The following MANBAL variants were observed in gnomAD, a reference collection of about 807,000 sequenced individuals.
The protein encoded by MANBAL is mannosidase beta like, also known as protein MANBAL.
MANBAL carries 1 observed loss-of-function variant against 6.4 expected under a neutral mutation model. The ratio of observed to expected loss-of-function variants is 0.16; its 90% confidence interval spans 0.06 to 0.74. MANBAL has a LOEUF of 0.74. MANBAL is among the 30% of genes least tolerant of loss of function. MANBAL has a pLI of 0.78. For missense variants in MANBAL, 100 were observed against 107.8 expected, an observed-to-expected ratio of 0.93 and a Z score of 0.32; for synonymous variants, 47 against 45.8, an observed-to-expected ratio of 1.03 and a Z score of -0.10.
chr20:37,304,182 ATGT>A (rs1405688278), intron 2 of MANBAL, among the ~76,000 whole-genome samples: 1 of 152,202 alleles, frequency 6.6e-6, no homozygotes, highest in Non-Finnish European at 1.5e-5. Flanking sequence ...CAAGGTCAAA[ATGT>A]TGTGTTTAGT....
In MANBAL at chr20:37,307,975, G is replaced by A. The variant is rs1195853947; in HGVS notation, c.150+6562G>A. 2.0e-5 allele frequency among the ~76,000 whole-genome samples: 3 copies of A among 152,270 alleles called. No homozygotes were observed. In the East Asian group the frequency reaches 5.8e-4, roughly 29 times the overall value. The stretch of plus-strand genomic sequence containing the variant: ...GGAGCGCCGCAGGGCCTCCGGAAGT[G>A]GTGGGAACTGGGACTTACTGCTCCT... On this transcript the variant is annotated intron_variant, in intron 2 of 2. Transcript: ENST00000373606.
At chr20:37,300,270 A>G (rs763843552) in intron 1 of MANBAL, among the ~76,000 whole-genome samples, 21 of 151,232 alleles carry the variant, frequency 1.4e-4, no homozygotes, top group East Asian at 1.4e-3. Context: ...TCATTTCCCC[A>G]CCCTGGGGCC....
intron 2 of MANBAL, among the ~76,000 whole-genome samples, chr20:37,302,117 C>G (rs1178575258): frequency 6.6e-6 from 1 of 152,180 alleles, no homozygotes; most frequent in African/African-American, 2.4e-5. Context: ...ATACACCCTC[C>G]TTCTACCCAC....
intron 1 of MANBAL, among the ~76,000 whole-genome samples, chr20:37,292,343 C>A (rs1201506550): frequency 6.6e-6 from 1 of 152,188 alleles, no homozygotes; most frequent in Admixed American, 6.5e-5. Flanking sequence ...CCGCTGTCGC[C>A]CAGGCTGGAG....
chr20:37,299,860 A>G (rs1427762898), intron 1 of MANBAL, among the ~76,000 whole-genome samples: 2 of 152,228 alleles, frequency 1.3e-5, no homozygotes, highest in African/African-American at 4.8e-5. Flanking sequence ...GGATTTTGAA[A>G]GAGCCCAGTG....
chr20:37,314,797 G>C (rs2069466450), intron 2 of MANBAL, among the ~76,000 whole-genome samples: 1 of 152,192 alleles, frequency 6.6e-6, no homozygotes, highest in Non-Finnish European at 1.5e-5. Context: ...ATAGGAGGGA[G>C]CTGACAGGCC....
Position 37,310,255 on chromosome 20 carries a change from A to G in MANBAL, c.151-6053A>G, listed in dbSNP as rs555188794. Among the ~76,000 whole-genome samples the G allele has an allele frequency of 2.6e-5, 4 of 152,314 alleles. No homozygotes were observed. The South Asian group carries it at 6.2e-4, about 24-fold the overall frequency. ...CTTGCTCTCTGTTTCAGCCAGTCCT[A>G]TCTTTCCTCAAGGCCACTGCTAGTT... On this transcript the variant is annotated intron_variant, in intron 2 of 2. Coordinates refer to ENST00000373606, the MANE Select transcript of MANBAL (RefSeq NM_001003897.2).
At chr20:37,297,070 A>C (rs2069014056) in intron 1 of MANBAL, 1 of 152,218 alleles carries the variant, frequency 6.6e-6, no homozygotes, top group Non-Finnish European at 1.5e-5. Context: ...TAAAAAATGC[A>C]CACTTTATGA....
intron 1 of MANBAL, among the ~76,000 whole-genome samples, chr20:37,290,196 AGAAGCG>A (rs1451262862): frequency 6.6e-6 from 1 of 152,248 alleles, no homozygotes; most frequent in Non-Finnish European, 1.5e-5. Flanking sequence ...GAATTCTAAG[AGAAGCG>A]AGAAATGAAT....
chr20:37,296,831 C>G (rs2069007685), intron 1 of MANBAL: 2 of 152,108 alleles, frequency 1.3e-5, no homozygotes, highest in South Asian at 2.1e-4. Context: ...ATGAGAACAT[C>G]CCGTCTCCAG....
intron 1 of MANBAL, among the ~76,000 whole-genome samples, chr20:37,292,832 T>G (rs2068903958): frequency 6.6e-6 from 1 of 152,262 alleles, no homozygotes; most frequent in African/African-American, 2.4e-5. Context: ...AGTCCTAGAA[T>G]TAGCCATTTC....
chr20:37,315,736 C>T (rs532777777), intron 2 of MANBAL, among the ~76,000 whole-genome samples: 8 of 152,228 alleles, frequency 5.3e-5, no homozygotes, highest in African/African-American at 1.2e-4. Context: ...GCCCACCTGC[C>T]GGCTGGCCCT....
chr20:37,306,339 C>G (rs1190073466), intron 2 of MANBAL, among the ~76,000 whole-genome samples: 2 of 152,140 alleles, frequency 1.3e-5, no homozygotes, highest in African/African-American at 4.8e-5. Flanking sequence ...TTGCAACTTG[C>G]TTATGACTTC....
At chr20:37,307,216 T>G (rs1266071158) in intron 2 of MANBAL, among the ~76,000 whole-genome samples, 1 of 152,188 alleles carries the variant, frequency 6.6e-6, no homozygotes, top group African/African-American at 2.4e-5. Flanking sequence ...TTCTCTCACC[T>G]TGGCCTCCCA....
At chr20:37,292,086 G>A (rs189605091) in intron 1 of MANBAL, among the ~76,000 whole-genome samples, 1 of 152,122 alleles carries the variant, frequency 6.6e-6, no homozygotes, top group Non-Finnish European at 1.5e-5. Context: ...TAGTAGTCAG[G>A]CTTTTCCAGT....
intron 2 of MANBAL, among the ~76,000 whole-genome samples, chr20:37,306,388 T>C: frequency 6.6e-6 from 1 of 152,186 alleles, no homozygotes; most frequent in East Asian, 1.9e-4. Flanking sequence ...AAAGCTCTTT[T>C]GGGGTTAATC....
intron 1 of MANBAL, among the ~76,000 whole-genome samples, chr20:37,299,475 A>G (rs1432624518): frequency 6.6e-6 from 1 of 152,252 alleles, no homozygotes; most frequent in African/African-American, 2.4e-5. Context: ...TAGCATCTCA[A>G]TTCAAACTAG....
At chr20:37,315,878 G>A (rs904386452) in intron 2 of MANBAL, among the ~76,000 whole-genome samples, 4 of 152,268 alleles carry the variant, frequency 2.6e-5, no homozygotes, top group Admixed American at 6.5e-5. Context: ...TCCCTGGCAC[G>A]AGGTGATCGG....
At chr20:37,313,919 C>A (rs2069446332) in intron 2 of MANBAL, among the ~76,000 whole-genome samples, 1 of 152,096 alleles carries the variant, frequency 6.6e-6, no homozygotes, top group Admixed American at 6.5e-5. Flanking sequence ...AGCTCTGGGG[C>A]CTGACTCAGT....
Sources: gnomAD v4.1 joint callset for allele counts (sites outside exome capture counted in the v4.1 genomes callset) on GRCh38, gnomAD v4.1.1 for gene constraint, MANE v1.5 for transcripts, NCBI Gene and HGNC (gene_info 2026-07-23, HGNC 2026-07-21) for gene names.